The following CNTNAP5 variants were observed in gnomAD, a reference collection of about 807,000 sequenced individuals.
CNTNAP5 encodes contactin-associated protein-like 5.
In CNTNAP5, 72 loss-of-function variants were observed where a neutral mutation model predicts 150.2. The ratio of observed to expected loss-of-function variants is 0.48; its 90% CI spans 0.40 to 0.58. The LOEUF is 0.58. Ranked by LOEUF, CNTNAP5 falls within the 20% of genes least tolerant of loss-of-function variation. The probability of loss-of-function intolerance (pLI) is 0.00; values close to 1 mark genes in which losing one functional copy is unlikely to be tolerated. For synonymous variants in CNTNAP5, 672 were observed against 619.8 expected, an observed-to-expected ratio of 1.08 and a Z score of -1.25; for missense variants, 1,636 against 1,626.2, an observed-to-expected ratio of 1.01 and a Z score of -0.10.
At chr2:124,811,712 G>GTT (rs930355756) in intron 19 of CNTNAP5, among the ~76,000 whole-genome samples, 1 of 150,088 alleles carries the variant, frequency 6.7e-6, no homozygotes, top group African/African-American at 2.5e-5. Context: ...GAGGCGGGGG[G>GTT]GGTGGATCAC....
At chr2:124,252,399 A>G (rs80236690) in intron 3 of CNTNAP5, among the ~76,000 whole-genome samples, 11,695 of 152,248 alleles carry the variant, frequency 0.077, 618 homozygotes, top group Non-Finnish European at 0.12. Flanking sequence ...CAATGCTGGC[A>G]TAGGTGTATA....
rs533727130 is a variant in CNTNAP5 at position 124,860,596 on chromosome 2, T to C, written c.3218-4710T>C. On this transcript the variant is annotated intron_variant, in intron 19 of 23. Coordinates refer to ENST00000682447, the MANE Select transcript of CNTNAP5 (RefSeq NM_001367498.1). Reference sequence around the variant, plus strand: ...CCGTTGTTTCTTTCTTTCTTTTCCCTTCTTTCCAAATTTACTGGGTACTTA... The same window carrying C: ...CCGTTGTTTCTTTCTTTCTTTTCCCCTCTTTCCAAATTTACTGGGTACTTA... Among the ~76,000 whole-genome samples, 8 of 151,734 alleles carry C rather than the reference T, an allele frequency of 5.3e-5. No homozygotes were observed. In the South Asian group the frequency reaches 1.7e-3, roughly 32 times the overall value.
chr2:124,391,951 G>T (rs1691124595), intron 3 of CNTNAP5, among the ~76,000 whole-genome samples: 1 of 152,034 alleles, frequency 6.6e-6, no homozygotes, highest in Admixed American at 6.6e-5. Flanking sequence ...GCGAGACTCC[G>T]TCCCAAAAAC....
intron 5 of CNTNAP5, among the ~76,000 whole-genome samples, chr2:124,438,831 C>T (rs1308692965): frequency 1.3e-5 from 2 of 152,078 alleles, no homozygotes; most frequent in Non-Finnish European, 2.9e-5. Context: ...TTGCATTAAA[C>T]ATTTAAAATA....
intron 11 of CNTNAP5, among the ~76,000 whole-genome samples, chr2:124,567,865 A>ATAGATAGG (rs1491334064): frequency 1.4e-5 from 2 of 142,902 alleles, no homozygotes; most frequent in Non-Finnish European, 3.0e-5. Flanking sequence ...AGATAGATAG[A>ATAGATAGG]TAGATAGATA....
At chr2:124,653,022 C>G (rs1192686705) in intron 13 of CNTNAP5, among the ~76,000 whole-genome samples, 1 of 152,164 alleles carries the variant, frequency 6.6e-6, no homozygotes, top group Admixed American at 6.5e-5. Flanking sequence ...ATTTGCGGAG[C>G]AAATCAGTCA....
chr2:124,764,124 A>C lies in CNTNAP5; in HGVS notation c.2510A>C (p.Asp837Ala). Reference sequence around the variant, plus strand: ...TTCCTAGAAAATCTTGGCATTAAAGACTTCATTCGACTCGAAATAAGCTGT... The same window carrying C: ...TTCCTAGAAAATCTTGGCATTAAAGCCTTCATTCGACTCGAAATAAGCTGT... ...GVFLENLGIK[D>A]FIRLEISSPS... The change falls in exon 16 of 24, where the codon GAC becomes GCC. Residue 837 changes from aspartate (D) to alanine (A), a missense_variant. Transcript: ENST00000682447. The C allele has an allele frequency of 6.2e-7, 1 of 1,612,708 alleles. No individual in the cohort carries two copies. Among genetic ancestry groups the C allele is most frequent in the Non-Finnish European group, 8.5e-7 (1 of 1,178,986 alleles).
At chr2:124,503,140 T>C (rs554322666) in intron 7 of CNTNAP5, among the ~76,000 whole-genome samples, 1 of 152,290 alleles carries the variant, frequency 6.6e-6, no homozygotes, top group South Asian at 2.1e-4. Flanking sequence ...GAAGAAAACA[T>C]CTAAACAACT....
intron 6 of CNTNAP5, among the ~76,000 whole-genome samples, chr2:124,462,236 A>G (rs1006181521): frequency 5.3e-5 from 8 of 152,054 alleles, no homozygotes; most frequent in African/African-American, 1.9e-4. Flanking sequence ...AGGAGAGAAA[A>G]TCAATGTCTG....
intron 13 of CNTNAP5, among the ~76,000 whole-genome samples, chr2:124,713,230 T>A (rs1348343768): frequency 5.3e-5 from 2 of 37,976 alleles, no homozygotes; most frequent in Non-Finnish European, 1.2e-4. Flanking sequence ...TTTCTTTCTT[T>A]CTTTCTTTCT....
At chr2:124,474,210 T>C (rs569760222) in intron 6 of CNTNAP5, among the ~76,000 whole-genome samples, 2 of 152,088 alleles carry the variant, frequency 1.3e-5, no homozygotes, top group Non-Finnish European at 2.9e-5. Flanking sequence ...ACATTGATTC[T>C]TAATTACTTG....
At chr2:124,687,710 A>G (rs1476652698) in intron 13 of CNTNAP5, among the ~76,000 whole-genome samples, 1 of 151,890 alleles carries the variant, frequency 6.6e-6, no homozygotes, top group Non-Finnish European at 1.5e-5. Flanking sequence ...GTAATGAAAA[A>G]TAGCTATTTT....
intron 3 of CNTNAP5, among the ~76,000 whole-genome samples, chr2:124,350,342 C>T (rs967394387): frequency 2.0e-5 from 3 of 152,022 alleles, no homozygotes; most frequent in African/African-American, 4.8e-5. Context: ...GATCTCCTTC[C>T]AGCTATGACT....
chr2:124,533,810 A>T (rs1329478654), intron 10 of CNTNAP5, among the ~76,000 whole-genome samples: 2 of 152,186 alleles, frequency 1.3e-5, no homozygotes, highest in African/African-American at 4.8e-5. Context: ...CTCAGTGAGG[A>T]GTATTTCGGC....
At chr2:124,652,476 G>A (rs534753645) in intron 13 of CNTNAP5, among the ~76,000 whole-genome samples, 25 of 152,318 alleles carry the variant, frequency 1.6e-4, no homozygotes, top group Admixed American at 3.3e-4. Flanking sequence ...TAGGCATTTT[G>A]CCTGAGGCTA....
At chr2:124,313,989 T>C (rs1246927357) in intron 3 of CNTNAP5, among the ~76,000 whole-genome samples, 3 of 152,232 alleles carry the variant, frequency 2.0e-5, no homozygotes, top group Non-Finnish European at 4.4e-5. Flanking sequence ...ACTGAAAATA[T>C]ACTGCATTAT....
At position 124,535,551 on chromosome 2, in the gene CNTNAP5, CAGG is replaced by C. The variant is rs376042565; in HGVS notation, c.1649+8097_1649+8099del. ...GGCCAAGAAGGGCGGATCACAAGGT[CAGG>C]ACATCGAGACCATCCTGGCCAACAT... On this transcript the variant is annotated intron_variant, in intron 10 of 23. Coordinates refer to ENST00000682447, the MANE Select transcript of CNTNAP5 (RefSeq NM_001367498.1). Among the ~76,000 whole-genome samples the C allele has an allele frequency of 6.8e-5, 10 of 147,174 alleles. No homozygotes were observed. In the South Asian group the frequency reaches 1.9e-3, roughly 28 times the overall value.
chr2:124,564,802 G>A (rs1013729672), intron 11 of CNTNAP5, among the ~76,000 whole-genome samples: 1 of 152,230 alleles, frequency 6.6e-6, no homozygotes, highest in Admixed American at 6.5e-5. Context: ...TGAAATCACT[G>A]TCTGGAATTG....
rs559028862 is a variant in CNTNAP5, at chr2:124,283,051, T to G, written c.381+40658T>G. ...CACCATGAAAACCATTCTCAGGATA[T>G]TCCTACCTTAACTTTGCTCTTGGCT... On this transcript the variant is annotated intron_variant, in intron 3 of 23. Transcript: ENST00000682447. Among the ~76,000 whole-genome samples, 6 of 152,058 alleles carry G rather than the reference T, an allele frequency of 3.9e-5. No individual in the cohort carries two copies. The South Asian group carries it at 1.2e-3, about 32-fold the overall frequency.
Sources: allele counts gnomAD v4.1 joint callset (sites outside exome capture counted in the v4.1 genomes callset), GRCh38; gene constraint gnomAD v4.1.1; transcripts MANE v1.5; gene names NCBI Gene and HGNC (gene_info 2026-07-23, HGNC 2026-07-21).